The following GLI2 variants were observed in gnomAD, a reference collection of about 807,000 sequenced individuals.
GLI2 encodes the protein GLI family zinc finger 2, also known as transcription activator GLI2.
In GLI2, 22 loss-of-function variants were observed where a neutral mutation model predicts 78.9. The observed-to-expected ratio is 0.28, with a 90% confidence interval of 0.20 to 0.40. The LOEUF (loss-of-function observed/expected upper bound fraction) is 0.40. Among genes scored for constraint, GLI2 ranks in the 10% least tolerant of loss-of-function variants. The probability of loss-of-function intolerance (pLI) is 1.00; values close to 1 mark genes in which losing one functional copy is unlikely to be tolerated. For missense variants in GLI2, 2,097 were observed against 2,213.2 expected (o/e 0.95, Z 1.05); for synonymous variants, 974 against 963.7 (o/e 1.01, Z -0.20).
chr2:120,951,190 G>T (rs749323334), intron 3 of GLI2, 53 bp from the exon 4 acceptor site: 60 of 1,051,734 alleles, frequency 5.7e-5, no homozygotes, highest in Admixed American at 1.7e-5. Context: ...TGGGGTCTTG[G>T]TGGGGTTCCC....
chr2:120,980,716 C>T (rs1377304596), intron 10 of GLI2, among the ~76,000 whole-genome samples: 2 of 152,042 alleles, frequency 1.3e-5, no homozygotes, highest in Non-Finnish European at 2.9e-5. Context: ...CAAAAATTTA[C>T]CTCTATGTTT....
intron 1 of GLI2, among the ~76,000 whole-genome samples, chr2:120,787,016 G>A (rs937967129): frequency 6.6e-6 from 1 of 152,200 alleles, no homozygotes; most frequent in African/African-American, 2.4e-5. Context: ...TCTGTGTCGA[G>A]GGTGGCCATA....
chr2:120,903,174 C>T (rs1474449031), intron 2 of GLI2, among the ~76,000 whole-genome samples: 11 of 151,986 alleles, frequency 7.2e-5, no homozygotes, highest in African/African-American at 2.7e-4. Context: ...TACTTGAGGT[C>T]AGGAGTTCGA....
intron 2 of GLI2, among the ~76,000 whole-genome samples, chr2:120,817,769 C>T (rs1685569910): frequency 6.6e-6 from 1 of 152,096 alleles, no homozygotes; most frequent in South Asian, 2.1e-4. Context: ...AGTGCCCCTC[C>T]CCACCCATCC....
At position 120,816,192 on chromosome 2, in the gene GLI2, C is replaced by CTTTTT. The variant is rs3053837; in HGVS notation, c.148+18736_148+18740dup. On this transcript the variant is annotated intron_variant, in intron 2 of 13. Coordinates refer to ENST00000361492, the MANE Select transcript of GLI2 (RefSeq NM_001374353.1). Reference sequence around the variant, plus strand: ...AAAAATTACTGAGGACCCCAAAGAGCTTTTTTTTTTTTTTTTGAGACTGAG... The same window carrying CTTTTT: ...AAAAATTACTGAGGACCCCAAAGAGCTTTTTTTTTTTTTTTTTTTTTGAGACTGAG... 1.5e-4 allele frequency among the ~76,000 whole-genome samples: 20 copies of CTTTTT among 134,888 alleles called. 1 individual carries two copies. Among genetic ancestry groups the CTTTTT allele is most frequent in the African/African-American group, 5.1e-4 (18 of 35,438 alleles). 88.5% of individuals were successfully genotyped at this position (134,888 alleles called of 152,430 possible). A position where few individuals can be genotyped will look rare whatever the true frequency, so the allele number is the denominator to read the frequency against.
chr2:120,883,932 C>A (rs1035392362), intron 2 of GLI2, among the ~76,000 whole-genome samples: 1 of 152,206 alleles, frequency 6.6e-6, no homozygotes, highest in Admixed American at 6.5e-5. Context: ...CAGACCCCCG[C>A]AGCAGATGAG....
At chr2:120,822,553 A>G (rs1685830912) in intron 2 of GLI2, among the ~76,000 whole-genome samples, 1 of 152,218 alleles carries the variant, frequency 6.6e-6, no homozygotes, top group Non-Finnish European at 1.5e-5. Context: ...TGCCTCCGCA[A>G]ATCACCTGTT....
At chr2:120,912,656 G>C (rs912644208) in intron 2 of GLI2, among the ~76,000 whole-genome samples, 2 of 152,192 alleles carry the variant, frequency 1.3e-5, no homozygotes, top group Non-Finnish European at 2.9e-5. Flanking sequence ...AGTGTAACAC[G>C]GCTTGCCCGG....
intron 2 of GLI2, among the ~76,000 whole-genome samples, chr2:120,811,167 A>T (rs975708342): frequency 1.3e-5 from 2 of 152,202 alleles, no homozygotes; most frequent in African/African-American, 2.4e-5. Flanking sequence ...TGGTCAAGCC[A>T]AATACCAGTG....
At chr2:120,861,050 T>C (rs4848643) in intron 2 of GLI2, among the ~76,000 whole-genome samples, 90,932 of 152,040 alleles carry the variant, frequency 0.6, 28,234 homozygotes, top group East Asian at 0.75. Flanking sequence ...AAGCCCTAGA[T>C]GCCCACCCTA....
chr2:120,899,404 CAT>C (rs954190285), intron 2 of GLI2, among the ~76,000 whole-genome samples: 27 of 109,678 alleles, frequency 2.5e-4, no homozygotes, highest in African/African-American at 3.4e-4. Flanking sequence ...TGTACACACA[CAT>C]ACACACACAC....
In GLI2 at chr2:120,744,378, G is replaced by T. The variant is rs143608959; in HGVS notation, c.-31+8093G>T. ...CTGGTGCTCTTGGGCTTGAGAGAATGCATATGTTGCCTTGTTTATGTACTG... is the reference window on the plus strand; with the variant it reads ...CTGGTGCTCTTGGGCTTGAGAGAATTCATATGTTGCCTTGTTTATGTACTG... On this transcript the variant is annotated intron_variant, in intron 1 of 13. Transcript: ENST00000361492. Among the ~76,000 whole-genome samples, 625 of 152,312 alleles carry T rather than the reference G, an allele frequency of 4.1e-3. 1 individual carries two copies. Among genetic ancestry groups the T allele is most frequent in the Non-Finnish European group, 6.7e-3 (453 of 68,032 alleles).
chr2:120,887,034 C>T (rs553106429), intron 2 of GLI2, among the ~76,000 whole-genome samples: 2 of 152,330 alleles, frequency 1.3e-5, no homozygotes, highest in East Asian at 1.9e-4. Context: ...AACACACTCA[C>T]GTTTTTCCTC....
At chr2:120,974,305 G>T (rs916696616) in intron 8 of GLI2, among the ~76,000 whole-genome samples, 1 of 152,138 alleles carries the variant, frequency 6.6e-6, no homozygotes, top group Non-Finnish European at 1.5e-5. Flanking sequence ...CTGCTCAGAG[G>T]GTGCCCCTGG....
intron 4 of GLI2, among the ~76,000 whole-genome samples, chr2:120,952,811 C>T (rs769333119): frequency 6.6e-6 from 1 of 152,250 alleles, no homozygotes; most frequent in Non-Finnish European, 1.5e-5. Flanking sequence ...GCCCTATCCA[C>T]ATCACTCCTG....
At chr2:120,942,936 ACCCT>A (rs1271536336) in intron 3 of GLI2, among the ~76,000 whole-genome samples, 1 of 143,272 alleles carries the variant, frequency 7.0e-6, no homozygotes, top group African/African-American at 3.0e-5. Context: ...ATTCGTTCAC[ACCCT>A]CACTCACTCA....
chr2:120,815,300 C>T (rs1229542588), intron 2 of GLI2, among the ~76,000 whole-genome samples: 2 of 152,156 alleles, frequency 1.3e-5, no homozygotes, highest in East Asian at 3.8e-4. Context: ...CACAGTGAAG[C>T]CGGGGAGAGA....
At chr2:120,849,688 GA>G (rs2104604256) in intron 2 of GLI2, among the ~76,000 whole-genome samples, 1 of 152,312 alleles carries the variant, frequency 6.6e-6, no homozygotes, top group Non-Finnish European at 1.5e-5. Flanking sequence ...CTTTAAATGT[GA>G]GTGGACACCC....
rs565251786 is a variant in GLI2, at chr2:120,802,650, G to A, written c.148+5182G>A. ...TCTCTGTGTGCCTCACTGAGCACCA[G>A]GGACTACTATTCAGAGCCTCTGGGA... On this transcript the variant is annotated intron_variant, in intron 2 of 13. Transcript: ENST00000361492. 9.2e-5 allele frequency among the ~76,000 whole-genome samples: 14 copies of A among 152,272 alleles called. No homozygotes were observed. The South Asian group carries it at 2.9e-3, about 32-fold the overall frequency.
Sources: gnomAD v4.1 joint callset for allele counts (sites outside exome capture counted in the v4.1 genomes callset) on GRCh38, gnomAD v4.1.1 for gene constraint, MANE v1.5 for transcripts, NCBI Gene and HGNC (gene_info 2026-07-23, HGNC 2026-07-21) for gene names.